Variants in TGFBR3 observed in about 807,000 individuals in gnomAD.
TGFBR3 encodes transforming growth factor beta receptor type 3.
TGFBR3 carries 46 observed loss-of-function variants against 87.9 expected under a neutral mutation model. That is an observed-to-expected ratio of 0.52 (90% CI 0.41 to 0.67). TGFBR3 has a LOEUF of 0.67. Ranked by LOEUF, TGFBR3 falls within the 30% of genes least tolerant of loss-of-function variation. The pLI is 0.00. For synonymous variants in TGFBR3, 381 were observed against 391.6 expected, an observed-to-expected ratio of 0.97 and a Z score of 0.32; for missense variants, 866 against 1,041.9, an observed-to-expected ratio of 0.83 and a Z score of 2.32.
intron 3 of TGFBR3, among the ~76,000 whole-genome samples, chr1:91,764,317 CAAAAAA>C (rs200776741): frequency 2.6e-5 from 2 of 77,394 alleles, no homozygotes; most frequent in Non-Finnish European, 4.5e-5. Context: ...ACAAAAGAGA[CAAAAAA>C]AAAAAAAAAA....
upstream of TGFBR3, among the ~76,000 whole-genome samples, chr1:91,888,616 C>T (rs533030492): frequency 6.6e-6 from 1 of 152,200 alleles, no homozygotes; most frequent in African/African-American, 2.4e-5. Context: ...GCAAGAGAAT[C>T]GTTTGAACCC....
chr1:91,878,643 C>A (rs1033244315), intron 1 of TGFBR3, among the ~76,000 whole-genome samples: 3 of 152,216 alleles, frequency 2.0e-5, no homozygotes, highest in African/African-American at 4.8e-5. Context: ...ATCTGATCCA[C>A]AGGAAAGCTC....
intron 3 of TGFBR3, among the ~76,000 whole-genome samples, chr1:91,771,629 A>C (rs1235315260): frequency 2.1e-5 from 3 of 143,942 alleles, no homozygotes; most frequent in African/African-American, 7.7e-5. Context: ...TGGCATGAAC[A>C]TGGGAGGCGG....
chr1:91,885,537 G>A (rs1679264107), intron 1 of TGFBR3, among the ~76,000 whole-genome samples: 1 of 152,216 alleles, frequency 6.6e-6, no homozygotes, highest in African/African-American at 2.4e-5. Flanking sequence ...GCGCCCGGAG[G>A]GAAGTGGCCG....
intron 16 of TGFBR3, among the ~76,000 whole-genome samples, chr1:91,684,099 C>T (rs1407088748): frequency 6.6e-6 from 1 of 152,184 alleles, no homozygotes. Context: ...ACAGGCAGCT[C>T]TAGTGGCTAA....
chr1:91,858,705 C>T (rs1306913582), intron 2 of TGFBR3, among the ~76,000 whole-genome samples: 1 of 150,868 alleles, frequency 6.6e-6, no homozygotes, highest in East Asian at 2.0e-4. Context: ...CAAACTTCTA[C>T]ACCAAAAAGG....
intron 2 of TGFBR3, among the ~76,000 whole-genome samples, chr1:91,829,563 A>G (rs1676777246): frequency 6.6e-6 from 1 of 152,140 alleles, no homozygotes; most frequent in African/African-American, 2.4e-5. Context: ...CCCAGAACAT[A>G]GCAGTCCCCT....
intron 1 of TGFBR3, among the ~76,000 whole-genome samples, chr1:91,878,009 T>C (rs1045607018): frequency 1.3e-5 from 2 of 152,226 alleles, no homozygotes; most frequent in African/African-American, 4.8e-5. Context: ...TACGCTGCAA[T>C]GATGCAAAAT....
At chr1:91,815,344 G>A (rs1195771022) in intron 2 of TGFBR3, among the ~76,000 whole-genome samples, 1 of 113,036 alleles carries the variant, frequency 8.8e-6, no homozygotes, top group Non-Finnish European at 1.9e-5. Context: ...AATAAAATAG[G>A]GATAGTCCTG....
chr1:91,695,692 C>T lies in TGFBR3; in HGVS notation c.2417G>A (p.Trp806Ter). 6.2e-7 allele frequency: 1 copy of T among 1,614,098 alleles called. No individual in the cohort carries two copies. The highest frequency in any genetic ancestry group is 8.5e-7 in the Non-Finnish European group (1 of 1,179,978). Residue 806 changes from tryptophan (W) to a stop codon, truncating the protein, a stop_gained, in exon 16 of 17, where the codon TGG (tryptophan) becomes TAG (stop). Coordinates refer to ENST00000212355, the MANE Select transcript of TGFBR3 (RefSeq NM_003243.5). LOFTEE classifies it high-confidence loss of function. The part of the protein sequence containing the change: ...VIGALLTGAL[W>*]YIYSHTGETA... ...CTAACCTGTGTGAGAATAGATGTAC[C>T]ACAAGGCCCCCGTCAGGAGTGCTCC...
chr1:91,763,358 A>G (rs1348428587), intron 3 of TGFBR3, among the ~76,000 whole-genome samples: 1 of 152,186 alleles, frequency 6.6e-6, no homozygotes, highest in Non-Finnish European at 1.5e-5. Flanking sequence ...CCATTTCAAC[A>G]TTTCTGATTC....
intron 1 of TGFBR3, among the ~76,000 whole-genome samples, chr1:91,875,337 C>G (rs996259697): frequency 2.6e-5 from 4 of 152,172 alleles, no homozygotes; most frequent in African/African-American, 9.6e-5. Context: ...ACTGTGGAGG[C>G]TGTGGACCAC....
chr1:91,880,505 A>G (rs1386349251), intron 1 of TGFBR3, among the ~76,000 whole-genome samples: 1 of 152,026 alleles, frequency 6.6e-6, no homozygotes, highest in Non-Finnish European at 1.5e-5. Context: ...GACTGAGGCA[A>G]GAGAATGGCG....
chr1:91,736,100 T>C (rs1672958092), intron 4 of TGFBR3, among the ~76,000 whole-genome samples: 1 of 152,166 alleles, frequency 6.6e-6, no homozygotes, highest in Admixed American at 6.5e-5. Flanking sequence ...TACAATTATA[T>C]AAACGTATCT....
intron 2 of TGFBR3, among the ~76,000 whole-genome samples, chr1:91,812,939 C>T (rs1377682782): frequency 6.6e-6 from 1 of 152,150 alleles, no homozygotes; most frequent in Admixed American, 6.5e-5. Context: ...CTATACTTTT[C>T]ATACTTGTGG....
At position 91,766,510 on chromosome 1, in the gene TGFBR3, T is replaced by C. The variant is rs923935642; in HGVS notation, c.247-7760A>G. 4.0e-5 allele frequency: 3 copies of C among 75,160 alleles called. 1 individual carries two copies. The highest frequency in any genetic ancestry group is 9.1e-5 in the Non-Finnish European group (3 of 32,998). 4.7% of individuals were successfully genotyped at this position (75,160 alleles called of 1,614,324 possible). A position where few individuals can be genotyped will look rare whatever the true frequency, so the allele number is the denominator to read the frequency against. On this transcript the variant is annotated intron_variant, in intron 3 of 16. Coordinates refer to ENST00000212355, the MANE Select transcript of TGFBR3 (RefSeq NM_003243.5). The stretch of plus-strand genomic sequence containing the variant: ...TAAAGAGAATCACTAGAGTGATCAT[T>C]AGAAGCTGATTTACAAAATAAGCAT...
At chr1:91,701,742 G>A (rs913730391) in intron 14 of TGFBR3, among the ~76,000 whole-genome samples, 2 of 152,102 alleles carry the variant, frequency 1.3e-5, no homozygotes, top group Non-Finnish European at 2.9e-5. Context: ...GGCCCACAGT[G>A]AAACAAGACG....
chr1:91,694,040 C>T (rs1481761014), intron 16 of TGFBR3, among the ~76,000 whole-genome samples: 2 of 152,128 alleles, frequency 1.3e-5, no homozygotes, highest in Non-Finnish European at 2.9e-5. Flanking sequence ...CTCTCTCTGT[C>T]GCCCAGGCTG....
At chr1:91,752,877 A>G (rs1673599311) in intron 4 of TGFBR3, among the ~76,000 whole-genome samples, 3 of 151,816 alleles carry the variant, frequency 2.0e-5, no homozygotes, top group Admixed American at 2.0e-4. Flanking sequence ...AAAGTCAAAA[A>G]TTAGCTGGGT....
Sources: allele counts gnomAD v4.1 joint callset (sites outside exome capture counted in the v4.1 genomes callset), GRCh38; gene constraint gnomAD v4.1.1; transcripts MANE v1.5; gene names NCBI Gene and HGNC (gene_info 2026-07-23, HGNC 2026-07-21).